Variants in COL5A2 observed in about 807,000 individuals in gnomAD.
COL5A2 encodes the protein collagen type V alpha 2 chain, also known as collagen alpha-2(V) chain.
COL5A2 carries 23 observed loss-of-function variants against 208.2 expected under a neutral mutation model. The observed-to-expected ratio is 0.11, with a 90% CI of 0.08 to 0.16. COL5A2 has a LOEUF of 0.16. COL5A2 is among the 10% of genes least tolerant of loss of function. The pLI, the probability that COL5A2 is intolerant of heterozygous loss-of-function variation, is 1.00. For missense variants in COL5A2, 1,590 were observed against 1,956.4 expected (o/e 0.81, Z 3.53); for synonymous variants, 625 against 628.5 (o/e 0.99, Z 0.08).
intron 1 of COL5A2, among the ~76,000 whole-genome samples, chr2:189,189,414 T>G (rs1354147784): frequency 6.6e-6 from 1 of 152,184 alleles, no homozygotes; most frequent in Non-Finnish European, 1.5e-5. Context: ...TTTAAAAATA[T>G]ATGATGCCCC....
chr2:189,139,540 T>C (rs1231637641), intron 1 of COL5A2, among the ~76,000 whole-genome samples: 1 of 152,006 alleles, frequency 6.6e-6, no homozygotes, highest in East Asian at 1.9e-4. Flanking sequence ...CAACTAAATG[T>C]AATATGGGAT....
the COL5A2 span, among the ~76,000 whole-genome samples, chr2:189,417,144 T>C: frequency 6.6e-6 from 1 of 152,212 alleles, no homozygotes; most frequent in Non-Finnish European, 1.5e-5. Context: ...CCTTGAAAAT[T>C]TCCAATTGTT....
At chr2:189,346,620 G>A in the COL5A2 span, among the ~76,000 whole-genome samples, 1 of 152,122 alleles carries the variant, frequency 6.6e-6, no homozygotes, top group Admixed American at 6.5e-5. Context: ...ACTATGTACA[G>A]ATATATTAGA....
chr2:189,124,220 T>G (rs1687564783), intron 1 of COL5A2, among the ~76,000 whole-genome samples: 1 of 152,138 alleles, frequency 6.6e-6, no homozygotes. Context: ...ATTTCCCAAC[T>G]CTAAATGGAG....
chr2:189,381,429 A>G, the COL5A2 span, among the ~76,000 whole-genome samples: 1 of 152,074 alleles, frequency 6.6e-6, no homozygotes, highest in African/African-American at 2.4e-5. Flanking sequence ...CTGTATTCCT[A>G]TCTTTATAGA....
In COL5A2 at chr2:189,135,497, A is replaced by T. The variant is rs188001602; in HGVS notation, c.98-25048T>A. 1.0e-3 allele frequency among the ~76,000 whole-genome samples: 153 copies of T among 152,326 alleles called. 1 individual carries two copies. Among genetic ancestry groups the T allele is most frequent in the South Asian group, 8.5e-3 (41 of 4,830 alleles). ...CTGACAAATCCTACTTCTCTGTGTC[A>T]TAAATATTGGTTACAAACAGTGAAC... On this transcript the variant is annotated intron_variant, in intron 1 of 53. Transcript: ENST00000374866.
intron 1 of COL5A2, among the ~76,000 whole-genome samples, chr2:189,131,660 T>C (rs1171129134): frequency 6.6e-6 from 1 of 152,184 alleles, no homozygotes; most frequent in African/African-American, 2.4e-5. Context: ...AAATATGTGA[T>C]AATTTTTTGT....
chr2:189,283,138 A>G, the COL5A2 span, among the ~76,000 whole-genome samples: 1 of 152,006 alleles, frequency 6.6e-6, no homozygotes, highest in African/African-American at 2.4e-5. Flanking sequence ...GTGGGGAAAT[A>G]TAGTACTGAA....
At chr2:189,095,748 C>G (rs1686896588) in intron 6 of COL5A2, 3 of 151,942 alleles carry the variant, frequency 2.0e-5, no homozygotes, top group Admixed American at 6.6e-5. Flanking sequence ...ACAAATACAC[C>G]AATGCAAAAT....
chr2:189,085,828 C>A (rs1686646229), intron 9 of COL5A2, 56 bp from the exon 10 acceptor site: 15 of 1,378,724 alleles, frequency 1.1e-5, no homozygotes, highest in Non-Finnish European at 1.6e-5. Flanking sequence ...ATATTAAACC[C>A]TGTACTCTGT....
intron 1 of COL5A2, among the ~76,000 whole-genome samples, chr2:189,129,582 T>C (rs985729980): frequency 6.6e-6 from 1 of 152,028 alleles, no homozygotes; most frequent in Non-Finnish European, 1.5e-5. Context: ...AGGTACTAGG[T>C]GACATTTACT....
chr2:189,312,508 T>C, the COL5A2 span, among the ~76,000 whole-genome samples: 1 of 152,024 alleles, frequency 6.6e-6, no homozygotes, highest in African/African-American at 2.4e-5. Context: ...CAGTAGTTGG[T>C]GAAGGTGGAG....
In COL5A2 at chr2:189,033,988, A is replaced by G; in HGVS notation, c.*82T>C. The G allele has an allele frequency of 6.3e-7, 1 of 1,585,668 alleles. No homozygotes were observed. The highest frequency in any genetic ancestry group is 8.6e-7 in the Non-Finnish European group (1 of 1,157,326). ...CAGCCATTACTTCAAGAGTCTCAGG[A>G]TCAACTTCAAACAGTCAAAGTTCTT... On this transcript the variant is annotated 3_prime_UTR_variant, in exon 54 of 54. Transcript: ENST00000374866.
At chr2:189,083,641 T>A (rs1242811025) in intron 12 of COL5A2, among the ~76,000 whole-genome samples, 1 of 152,054 alleles carries the variant, frequency 6.6e-6, no homozygotes, top group Admixed American at 6.6e-5. Context: ...GAAGTGTGAA[T>A]TGTAAACAGG....
At chr2:189,333,520 A>T in the COL5A2 span, among the ~76,000 whole-genome samples, 1 of 152,146 alleles carries the variant, frequency 6.6e-6, no homozygotes, top group African/African-American at 2.4e-5. Flanking sequence ...GAGTAGCTAT[A>T]TGTTATGAGT....
At chr2:189,436,402 C>T in the COL5A2 span, among the ~76,000 whole-genome samples, 1 of 152,048 alleles carries the variant, frequency 6.6e-6, no homozygotes, top group Non-Finnish European at 1.5e-5. Context: ...GGAGGTATAG[C>T]ATTAGGAGAT....
At chr2:189,423,820 C>T in the COL5A2 span, among the ~76,000 whole-genome samples, 10 of 152,064 alleles carry the variant, frequency 6.6e-5, no homozygotes, top group African/African-American at 2.2e-4. Context: ...TTCTCAAACT[C>T]TTCCAAAAAA....
the COL5A2 span, among the ~76,000 whole-genome samples, chr2:189,367,062 A>G: frequency 6.6e-6 from 1 of 152,240 alleles, no homozygotes; most frequent in Non-Finnish European, 1.5e-5. Context: ...TGGCAACCAC[A>G]TACTCAGAAA....
At chr2:189,198,448 A>G (rs1689033428) in intron 1 of COL5A2, among the ~76,000 whole-genome samples, 1 of 152,192 alleles carries the variant, frequency 6.6e-6, no homozygotes, top group Non-Finnish European at 1.5e-5. Context: ...TGGGATATGA[A>G]TAGCAAAAGA....
Sources: allele counts gnomAD v4.1 joint callset (sites outside exome capture counted in the v4.1 genomes callset), GRCh38; gene constraint gnomAD v4.1.1; transcripts MANE v1.5; gene names NCBI Gene and HGNC (gene_info 2026-07-23, HGNC 2026-07-21).